The following KIF26B variants were observed in gnomAD, a reference collection of about 807,000 sequenced individuals.
KIF26B encodes kinesin-like protein KIF26B.
KIF26B carries 63 observed loss-of-function variants against 151.2 expected under a neutral mutation model. The ratio of observed to expected loss-of-function variants is 0.42; its 90% CI spans 0.34 to 0.51. The LOEUF is 0.51. Ranked by LOEUF, KIF26B falls within the 20% of genes least tolerant of loss-of-function variation. The probability of loss-of-function intolerance (pLI) is 0.07; values close to 1 mark genes in which losing one functional copy is unlikely to be tolerated. For missense variants in KIF26B, 2,813 were observed against 2,913.6 expected (o/e 0.97, Z 0.79); for synonymous variants, 1,357 against 1,262.1 (o/e 1.08, Z -1.59).
At chr1:245,435,379 C>T (rs114167934) in intron 4 of KIF26B, among the ~76,000 whole-genome samples, 1,528 of 152,264 alleles carry the variant, frequency 0.01, 29 homozygotes, top group African/African-American at 0.035. Flanking sequence ...GGCTTTTGCT[C>T]TCCCGGTGTC....
intron 9 of KIF26B, among the ~76,000 whole-genome samples, chr1:245,616,188 GA>G (rs2043588703): frequency 1.3e-5 from 2 of 152,312 alleles, no homozygotes; most frequent in South Asian, 4.2e-4. Flanking sequence ...AGTCAAAATA[GA>G]AAAGTCTTTG....
At chr1:245,490,610 C>T (rs575886293) in intron 4 of KIF26B, among the ~76,000 whole-genome samples, 27 of 152,290 alleles carry the variant, frequency 1.8e-4, no homozygotes, top group African/African-American at 6.5e-4. Flanking sequence ...CGCACCTGGC[C>T]TGTAGAACAC....
chr1:245,508,633 C>G (rs1660771624), intron 4 of KIF26B, among the ~76,000 whole-genome samples: 1 of 152,062 alleles, frequency 6.6e-6, no homozygotes. Context: ...AATTTAGTGA[C>G]CGTTTTCATA....
intron 4 of KIF26B, among the ~76,000 whole-genome samples, chr1:245,435,139 C>CCATG (rs961272292): frequency 8.3e-6 from 1 of 121,178 alleles, no homozygotes; most frequent in African/African-American, 2.9e-5. Flanking sequence ...ACCCATCCAT[C>CCATG]CATCCATCCA....
Position 245,563,733 on chromosome 1 carries a change from G to T in KIF26B, c.1350+22783G>T, listed in dbSNP as rs1037814777. Among the ~76,000 whole-genome samples the T allele has an allele frequency of 7.3e-6, 1 of 136,904 alleles. No individual in the cohort carries two copies. Among genetic ancestry groups the T allele is most frequent in the Non-Finnish European group, 1.6e-5 (1 of 64,072 alleles). The allele number at this position is 136,904 out of a possible 152,430, so 89.8% of individuals were successfully genotyped here. ...TGTGTTTTTACTACACCTTTTCTAT[G>T]TTTAGGTATGTTGTTTAGATTTAGA... is the stretch of plus-strand genomic sequence containing the variant. On this transcript the variant is annotated intron_variant, in intron 5 of 14. Coordinates refer to ENST00000407071, the MANE Select transcript of KIF26B (RefSeq NM_018012.4). The surrounding 1 kb of genome is among the most constrained non-coding windows in gnomAD (Gnocchi z 4.6).
rs545776444 is a variant in KIF26B, at chr1:245,235,935, T to A, written c.465+79252T>A. On this transcript the variant is annotated intron_variant, in intron 2 of 14. Coordinates refer to ENST00000407071, the MANE Select transcript of KIF26B (RefSeq NM_018012.4). The stretch of plus-strand genomic sequence containing the variant: ...TTGTACACACTGCATCACTTATTTT[T>A]TTTTTTTTTTTTGAGACAGAGTCTC... Among the ~76,000 whole-genome samples, 495 of 151,330 alleles carry A rather than the reference T, an allele frequency of 3.3e-3. 1 individual carries two copies. The highest frequency in any genetic ancestry group is 0.011 in the African/African-American group (450 of 41,262).
rs532003466 is a variant in KIF26B at position 245,693,116 on chromosome 1, G to A, written c.5824+4309G>A. Among the ~76,000 whole-genome samples, 19 of 152,272 alleles carry A rather than the reference G, an allele frequency of 1.2e-4. No homozygotes were observed. The East Asian group carries it at 3.7e-3, about 29-fold the overall frequency. On this transcript the variant is annotated intron_variant, in intron 12 of 14. Transcript: ENST00000407071. ...TAACATTTCACCCTCATCCTGGTGT[G>A]TTACTTCCTTGGATTCTTTCCCTTG...
chr1:245,336,066 C>A (rs1672224967), intron 2 of KIF26B, among the ~76,000 whole-genome samples: 1 of 133,286 alleles, frequency 7.5e-6, no homozygotes, highest in Admixed American at 7.3e-5. Flanking sequence ...AAAGGAGAGT[C>A]CCACGCAGGG....
chr1:245,611,876 C>A lies in KIF26B; in HGVS notation c.1998C>A (p.Ser666Arg), dbSNP rs767849579. 2 of 1,613,856 alleles carry A rather than the reference C, an allele frequency of 1.2e-6. No individual in the cohort carries two copies. Among genetic ancestry groups the A allele is most frequent in the Non-Finnish European group, 1.7e-6 (2 of 1,179,872 alleles). ...ATGCCGCCATTGCCTCCCGCAGGAG[C>A]CACCAACAGGACTGTGATGAGGACG... is the stretch of plus-strand genomic sequence containing the variant. ...FLDAAIASRRSHQQDCDEDDH... is the reference protein window; with the variant it reads ...FLDAAIASRRRHQQDCDEDDH... Residue 666 changes from serine to arginine, a missense_variant, in exon 9 of 15, where the codon AGC becomes AGA. By Grantham distance (110) the Ser-to-Arg change is moderately radical. Around this residue, in one of 3 missense-constraint regions of KIF26B, gnomAD observed 2,060 missense variants for 2,088.6 expected, o/e 0.99. Transcript: ENST00000407071.
intron 2 of KIF26B, among the ~76,000 whole-genome samples, chr1:245,214,598 A>T (rs1669605415): frequency 6.6e-6 from 1 of 151,758 alleles, no homozygotes; most frequent in African/African-American, 2.4e-5. Flanking sequence ...ACAGGACATG[A>T]ACATGTGAGG....
chr1:245,202,983 G>A (rs1235795892), intron 2 of KIF26B, among the ~76,000 whole-genome samples: 8 of 149,832 alleles, frequency 5.3e-5, no homozygotes, highest in East Asian at 2.0e-4. Flanking sequence ...GGCCGGGCGC[G>A]GTGGCTCATG....
Position 245,703,918 on chromosome 1 carries a change from A to C in KIF26B, c.*1312A>C, listed in dbSNP as rs1019753964. The C allele has an allele frequency of 4.8e-4, 73 of 151,482 alleles. No individual in the cohort carries two copies. The highest frequency in any genetic ancestry group is 1.7e-3 in the African/African-American group (72 of 41,398). 9.4% of individuals were successfully genotyped at this position (151,482 alleles called of 1,614,324 possible). On this transcript the variant is annotated 3_prime_UTR_variant, in exon 15 of 15. Coordinates refer to ENST00000407071, the MANE Select transcript of KIF26B (RefSeq NM_018012.4). ...AAGGCAGAGAGAGCTTCCCCTCCATAACTCACACGACCCTGGATAGGCAGA... is the reference window on the plus strand; with the variant it reads ...AAGGCAGAGAGAGCTTCCCCTCCATCACTCACACGACCCTGGATAGGCAGA...
At chr1:245,459,097 A>G (rs369646697) in intron 4 of KIF26B, among the ~76,000 whole-genome samples, 29 of 152,296 alleles carry the variant, frequency 1.9e-4, no homozygotes, top group South Asian at 1.9e-3. Context: ...ATTCAAGCCA[A>G]TTTTGCAAAG....
intron 2 of KIF26B, among the ~76,000 whole-genome samples, chr1:245,327,852 A>C (rs1028966121): frequency 6.6e-5 from 10 of 152,162 alleles, no homozygotes; most frequent in African/African-American, 9.7e-5. Context: ...TGTTTTTATG[A>C]AGGTAATATT....
chr1:245,362,218 C>T (rs1386807791), intron 2 of KIF26B, among the ~76,000 whole-genome samples: 1 of 151,478 alleles, frequency 6.6e-6, no homozygotes, highest in African/African-American at 2.4e-5. Context: ...AGCTGGTAAG[C>T]ATCGACGAAC....
chr1:245,708,164 G>A lies in KIF26B; in HGVS notation c.*5558G>A, dbSNP rs3737916. 5 of 152,348 alleles carry A rather than the reference G, an allele frequency of 3.3e-5. No individual in the cohort carries two copies. The East Asian group carries it at 7.7e-4, about 24-fold the overall frequency. The allele number at this position is 152,348 out of a possible 1,614,324, so 9.4% of individuals were successfully genotyped here. A position where few individuals can be genotyped will look rare whatever the true frequency, so the allele number is the denominator to read the frequency against. On this transcript the variant is annotated 3_prime_UTR_variant, in exon 15 of 15. Transcript: ENST00000407071. Reference sequence around the variant, plus strand: ...TGTGCAACCTTGGGCGAGCCTCTTCGCTTTGCTGGGCCTCAGGTTCCCGAG... The same window carrying A: ...TGTGCAACCTTGGGCGAGCCTCTTCACTTTGCTGGGCCTCAGGTTCCCGAG...
At chr1:245,679,952 C>T (rs531855004) in intron 10 of KIF26B, among the ~76,000 whole-genome samples, 3 of 152,134 alleles carry the variant, frequency 2.0e-5, no homozygotes, top group Non-Finnish European at 4.4e-5. Flanking sequence ...CCAACCCAAA[C>T]CCCTCCAGGC....
Position 245,156,532 on chromosome 1 carries a change from G to C in KIF26B, c.314G>C (p.Gly105Ala). ...SSPGSLGGSP[G>A]FGTGSPGSGS... ...CCGGGCTCCTTGGGCGGCTCTCCGGGCTTCGGCACAGGCTCCCCGGGCTCC... is the reference window on the plus strand; with the variant it reads ...CCGGGCTCCTTGGGCGGCTCTCCGGCCTTCGGCACAGGCTCCCCGGGCTCC... The change falls in exon 2 of 15, where the codon GGC becomes GCC. Residue 105 changes from glycine (G) to alanine (A), a missense_variant. Coordinates refer to ENST00000407071, the MANE Select transcript of KIF26B (RefSeq NM_018012.4). 1 of 1,535,772 alleles carries C rather than the reference G, an allele frequency of 6.5e-7. No individual in the cohort carries two copies. Among genetic ancestry groups the C allele is most frequent in the Non-Finnish European group, 8.7e-7 (1 of 1,146,680 alleles).
At chr1:245,558,667 C>T (rs1338977011) in intron 5 of KIF26B, among the ~76,000 whole-genome samples, 2 of 152,224 alleles carry the variant, frequency 1.3e-5, no homozygotes, top group Admixed American at 6.5e-5. Context: ...CAGAAGGTTG[C>T]GGGGACAGGG....
Sources: allele counts gnomAD v4.1 joint callset (sites outside exome capture counted in the v4.1 genomes callset), GRCh38; gene constraint gnomAD v4.1.1; regional missense constraint gnomAD v4.1.1; non-coding constraint Gnocchi (gnomAD v3.1); transcripts MANE v1.5; gene names NCBI Gene and HGNC (gene_info 2026-07-23, HGNC 2026-07-21).